The following ARHGAP44 variants were observed in gnomAD, a reference collection of about 807,000 sequenced individuals.
The protein encoded by ARHGAP44 is Rho GTPase activating protein 44.
ARHGAP44 carries 43 observed loss-of-function variants against 106.8 expected under a neutral mutation model. The ratio of observed to expected loss-of-function variants is 0.40; its 90% confidence interval spans 0.32 to 0.52. The LOEUF (loss-of-function observed/expected upper bound fraction) is 0.52, where lower values mean the gene tolerates loss of function less well. ARHGAP44 is among the 20% of genes least tolerant of loss of function. The pLI, the probability that ARHGAP44 is intolerant of heterozygous loss-of-function variation, is 0.48. For synonymous variants in ARHGAP44, 439 were observed against 410.3 expected, an observed-to-expected ratio of 1.07 and a Z score of -0.85; for missense variants, 866 against 1,050.5, an observed-to-expected ratio of 0.82 and a Z score of 2.43.
chr17:12,885,577 A>G (rs929861023), intron 1 of ARHGAP44, among the ~76,000 whole-genome samples: 1 of 152,020 alleles, frequency 6.6e-6, no homozygotes, highest in African/African-American at 2.4e-5. Flanking sequence ...AAATACTAGT[A>G]TCTCATTTTG....
intron 12 of ARHGAP44, among the ~76,000 whole-genome samples, chr17:12,951,193 C>T (rs1465692184): frequency 6.6e-6 from 1 of 152,182 alleles, no homozygotes; most frequent in East Asian, 1.9e-4. Flanking sequence ...TTATTAGAGA[C>T]TTGACATTGT....
intron 1 of ARHGAP44, among the ~76,000 whole-genome samples, chr17:12,888,701 A>G (rs1240784903): frequency 6.6e-6 from 1 of 152,184 alleles, no homozygotes; most frequent in Non-Finnish European, 1.5e-5. Context: ...GTTTCCAACT[A>G]TAGTTGTGTA....
intron 3 of ARHGAP44, among the ~76,000 whole-genome samples, chr17:12,903,140 A>AGAGAGAGAGTGT (rs1403029479): frequency 3.5e-5 from 2 of 57,594 alleles, no homozygotes; most frequent in African/African-American, 1.2e-4. Context: ...AGAGAGAGAG[A>AGAGAGAGAGTGT]GTGTGTGTGT....
Position 12,915,988 on chromosome 17 carries a change from G to C in ARHGAP44, c.364G>C (p.Glu122Gln), listed in dbSNP as rs773442816. The C allele has an allele frequency of 2.5e-6, 4 of 1,613,948 alleles. No individual in the cohort carries two copies. Among genetic ancestry groups the C allele is most frequent in the East Asian group, 2.2e-5 (1 of 44,864 alleles). ...GTTGCAAGTAGAGAGAGACGTGATT[G>C]AGCCCCTGTTTTTGCTGGCGGAGGT... The part of the protein sequence containing the change: ...FELQVERDVI[E>Q]PLFLLAEVEI... Residue 122 changes from glutamate to glutamine, a missense_variant, in exon 5 of 21, where the codon GAG becomes CAG. This residue lies in a region of ARHGAP44 where 448 missense variants were observed against 646.9 expected (regional missense o/e 0.69). Coordinates refer to ENST00000379672, the MANE Select transcript of ARHGAP44 (RefSeq NM_014859.6).
At chr17:12,974,609 C>T (rs1326225963) in intron 18 of ARHGAP44, among the ~76,000 whole-genome samples, 103 of 152,100 alleles carry the variant, frequency 6.8e-4, no homozygotes, top group Admixed American at 6.8e-3. Flanking sequence ...CTTCCTCTGT[C>T]TTTGTCGTTA....
chr17:12,825,316 C>T (rs2034887156), intron 1 of ARHGAP44, among the ~76,000 whole-genome samples: 1 of 147,984 alleles, frequency 6.8e-6, no homozygotes, highest in African/African-American at 2.6e-5. Flanking sequence ...GGGATTACAG[C>T]ATGAGCCACT....
At chr17:12,814,385 C>A (rs995631746) in intron 1 of ARHGAP44, among the ~76,000 whole-genome samples, 1 of 151,620 alleles carries the variant, frequency 6.6e-6, no homozygotes, top group East Asian at 1.9e-4. Flanking sequence ...GGATTACAGG[C>A]GCCTGCCACC....
At chr17:12,926,374 TTATA>T (rs2150962791) in intron 6 of ARHGAP44, among the ~76,000 whole-genome samples, 1 of 146,196 alleles carries the variant, frequency 6.8e-6, no homozygotes, top group East Asian at 2.0e-4. Context: ...GAAAAAAAAA[TTATA>T]TATGTATTAT....
chr17:12,989,101 C>CAA (rs71144942), intron 20 of ARHGAP44, among the ~76,000 whole-genome samples: 13,934 of 44,726 alleles, frequency 0.31, 1,665 homozygotes, highest in Non-Finnish European at 0.37. Flanking sequence ...CCACCCCCCC[C>CAA]AAAAAAAAAA....
intron 1 of ARHGAP44, among the ~76,000 whole-genome samples, chr17:12,880,453 G>A (rs539378336): frequency 1.3e-5 from 2 of 151,990 alleles, no homozygotes; most frequent in Admixed American, 6.6e-5. Context: ...GTGTTTAATG[G>A]TGTTTGCTTT....
chr17:12,842,414 C>CAAA (rs558245390), intron 1 of ARHGAP44, among the ~76,000 whole-genome samples: 10 of 56,380 alleles, frequency 1.8e-4, no homozygotes, highest in African/African-American at 3.5e-4. Flanking sequence ...GAGACCATCT[C>CAAA]AAAAAAAAAA....
intron 16 of ARHGAP44, among the ~76,000 whole-genome samples, chr17:12,963,536 T>C (rs898450316): frequency 1.2e-4 from 18 of 151,888 alleles, no homozygotes; most frequent in African/African-American, 4.1e-4. Context: ...CTGCCAATGC[T>C]GTGTGTGCAG....
chr17:12,885,052 A>G (rs778590003), intron 1 of ARHGAP44, among the ~76,000 whole-genome samples: 1 of 152,002 alleles, frequency 6.6e-6, no homozygotes, highest in Non-Finnish European at 1.5e-5. Context: ...AGGCACCCAC[A>G]ACCACATCCA....
chr17:12,890,212 T>TG (rs2037001658), intron 1 of ARHGAP44, among the ~76,000 whole-genome samples: 1 of 152,222 alleles, frequency 6.6e-6, no homozygotes, highest in African/African-American at 2.4e-5. Context: ...CTCTCTGTGG[T>TG]GGTTCCACTC....
In ARHGAP44 at chr17:12,825,197, C is replaced by T. The variant is rs12602931; in HGVS notation, c.53+35306C>T. Among the ~76,000 whole-genome samples the T allele has an allele frequency of 1.7e-4, 26 of 151,682 alleles. 4 individuals carry two copies. Among genetic ancestry groups the T allele is most frequent in the Admixed American group, 1.6e-3 (24 of 15,216 alleles). ...GACTACAGGCACATGCTACCATGCC[C>T]AGCTAAATTTTGTATTATTTTGTAG... On this transcript the variant is annotated intron_variant, in intron 1 of 20. Coordinates refer to ENST00000379672, the MANE Select transcript of ARHGAP44 (RefSeq NM_014859.6).
chr17:12,915,845 C>T lies in ARHGAP44; in HGVS notation c.276-55C>T, dbSNP rs2037894172. 4.1e-6 allele frequency: 6 copies of T among 1,471,232 alleles called. No homozygotes were observed. In the Admixed American group the frequency reaches 1.1e-4, roughly 27 times the overall value. The allele number at this position is 1,471,232 out of a possible 1,614,324, so 91.1% of individuals were successfully genotyped here. A position where few individuals can be genotyped will look rare whatever the true frequency, so the allele number is the denominator to read the frequency against. On this transcript the variant is annotated intron_variant, in intron 4 of 20. Transcript: ENST00000379672. ...CCAGGAGGTGAGGGGAGGGTAACGC[C>T]AGTGAAATGTTGTCTTCAAGAGTAT...
chr17:12,841,341 G>A (rs2035384422), intron 1 of ARHGAP44, among the ~76,000 whole-genome samples: 1 of 151,966 alleles, frequency 6.6e-6, no homozygotes, highest in Non-Finnish European at 1.5e-5. Flanking sequence ...GCTCATGCTT[G>A]TAATTCTAAC....
chr17:12,837,788 T>C (rs2035281563), intron 1 of ARHGAP44, among the ~76,000 whole-genome samples: 1 of 152,132 alleles, frequency 6.6e-6, no homozygotes, highest in Non-Finnish European at 1.5e-5. Flanking sequence ...TTATTATACA[T>C]TGGGGGCTCC....
chr17:12,974,066 G>C, intron 17 of ARHGAP44, 23 bp from the exon 18 acceptor site: 6 of 1,551,446 alleles, frequency 3.9e-6, no homozygotes, highest in Non-Finnish European at 5.2e-6. Flanking sequence ...GTGGGTAAGC[G>C]GTGTCTTTGT....
Sources: allele counts gnomAD v4.1 joint callset (sites outside exome capture counted in the v4.1 genomes callset), GRCh38; gene constraint gnomAD v4.1.1; regional missense constraint gnomAD v4.1.1; transcripts MANE v1.5; gene names NCBI Gene and HGNC (gene_info 2026-07-23, HGNC 2026-07-21).